Variants in TINF2 observed in about 807,000 individuals in gnomAD.
TINF2 encodes the protein TERF1 interacting nuclear factor 2.
A neutral mutation model predicts 50.4 loss-of-function variants in TINF2; 27 were observed. The ratio of observed to expected loss-of-function variants is 0.54; its 90% CI spans 0.40 to 0.74. The LOEUF (loss-of-function observed/expected upper bound fraction) is 0.74. TINF2 is among the 30% of genes least tolerant of loss of function. TINF2 has a pLI of 0.00. For missense variants in TINF2, 496 were observed against 551.5 expected, an observed-to-expected ratio of 0.90 and a Z score of 1.01; for synonymous variants, 223 against 214.6, an observed-to-expected ratio of 1.04 and a Z score of -0.34.
Position 24,241,701 on chromosome 14 carries a change from G to C in TINF2, c.373C>G (p.Pro125Ala). The change falls in exon 3 of 9, where the codon CCT becomes GCT. Residue 125 changes from proline to alanine, a missense_variant. Pro to Ala is a conservative substitution (Grantham distance 27). Coordinates refer to ENST00000267415, the MANE Select transcript of TINF2 (RefSeq NM_001099274.3). ...TGCAGCTTCGAGGCCAAATCCACAG[G>C]AGCCTCTGACAGCTGCTTCACCTGC... ...YQQVKQLSEA[P>A]VDLASKLQEL... 1 of 1,612,732 alleles carries C rather than the reference G, an allele frequency of 6.2e-7. No individual in the cohort carries two copies. The highest frequency in any genetic ancestry group is 8.5e-7 in the Non-Finnish European group (1 of 1,179,388).
chr14:24,241,865 A>T, intron 2 of TINF2, 25 bp downstream of exon 2: 2 of 1,614,126 alleles, frequency 1.2e-6, no homozygotes. Context: ...AACTGGGGTC[A>T]GGGCTTGTTC....
chr14:24,241,427 C>T (rs1218819728), intron 3 of TINF2, 116 bp from the exon 4 acceptor site: 6 of 1,035,778 alleles, frequency 5.8e-6, no homozygotes, highest in Middle Eastern at 2.8e-4. Context: ...GTCAGGAGTT[C>T]GAGACCAGCC....
intron 3 of TINF2, 180 bp downstream of exon 3, chr14:24,241,495 T>C: frequency 1.3e-6 from 1 of 795,120 alleles, no homozygotes; most frequent in Non-Finnish European, 2.1e-6. Context: ...TGGGCATTTG[T>C]AATCCCAGCT....
At chr14:24,241,631 G>C (rs2040581375) in intron 3 of TINF2, 44 bp downstream of exon 3, 2 of 1,503,484 alleles carry the variant, frequency 1.3e-6, no homozygotes, top group Non-Finnish European at 1.8e-6. Flanking sequence ...AAAAAAAATG[G>C]GTTAGAGAAA....
intron 2 of TINF2, 31 bp downstream of exon 2, chr14:24,241,859 G>A (rs769487457): frequency 6.2e-7 from 1 of 1,613,812 alleles, no homozygotes; most frequent in Non-Finnish European, 8.5e-7. Flanking sequence ...AAGTGTAACT[G>A]GGGTCAGGGC....
rs767141183 is a variant in TINF2, at chr14:24,240,332, T to C, written c.1062-2A>G. On this transcript the variant is annotated splice_acceptor_variant, in intron 6 of 8. Transcript: ENST00000267415. LOFTEE classifies it high-confidence loss of function. Reference sequence around the variant, plus strand: ...TCCATGTAGCAATCCAAGCAATTCCTGAGGTGAGAGCAAGCAAAGAGGATA... The same window carrying C: ...TCCATGTAGCAATCCAAGCAATTCCCGAGGTGAGAGCAAGCAAAGAGGATA... 1 of 1,613,892 alleles carries C rather than the reference T, an allele frequency of 6.2e-7. No homozygotes were observed. Among genetic ancestry groups the C allele is most frequent in the East Asian group, 2.2e-5 (1 of 44,868 alleles).
rs1430977423 is a variant in TINF2 at position 24,242,350 on chromosome 14, C to A, written c.-18G>T. On this transcript the variant is annotated 5_prime_UTR_variant, in exon 1 of 9. Transcript: ENST00000267415. ...GTAGCCATGGTCGGCGGGCTCCGCC[C>A]GGAGGCGGTCCCTCCGGGTTCCTCA... 3 of 1,607,836 alleles carry A rather than the reference C, an allele frequency of 1.9e-6. No individual in the cohort carries two copies. The Admixed American group carries it at 5.1e-5, about 27-fold the overall frequency.
chr14:24,242,052 G>C, intron 1 of TINF2, 58 bp from the exon 2 acceptor site: 1 of 1,613,976 alleles, frequency 6.2e-7, no homozygotes, highest in Non-Finnish European at 8.5e-7. Context: ...TTTCCAACTA[G>C]TCTCATCCCC....
At position 24,240,177 on chromosome 14, in the gene TINF2, C is replaced by G. The variant is rs545372772; in HGVS notation, c.1130-22G>C. ...CACACTGTAGGAGGGAAACCAGAAT[C>G]AAACTACTACTTCTAGATGAACACA... On this transcript the variant is annotated intron_variant, in intron 7 of 8. Coordinates refer to ENST00000267415, the MANE Select transcript of TINF2 (RefSeq NM_001099274.3). The G allele has an allele frequency of 9.3e-6, 15 of 1,614,048 alleles. No homozygotes were observed. The East Asian group carries it at 3.1e-4, about 34-fold the overall frequency.
At chr14:24,239,974 T>G (rs1472500888) in intron 8 of TINF2, 43 bp from the exon 9 acceptor site, 1 of 1,614,042 alleles carries the variant, frequency 6.2e-7, no homozygotes, top group African/African-American at 1.3e-5. Context: ...CCGAAACCAT[T>G]CCCTGAACCC....
chr14:24,242,516 T>C lies in TINF2; in HGVS notation c.-184A>G. On this transcript the variant is annotated 5_prime_UTR_variant, in exon 1 of 9. Transcript: ENST00000267415. ...GCCCCCAGAATTCTGGGGGAGGGGG[T>C]CTTCTGGCTCGGGCTGGAGGAGCCT... 7.0e-7 allele frequency: 1 copy of C among 1,427,632 alleles called. No individual in the cohort carries two copies. Among genetic ancestry groups the C allele is most frequent in the South Asian group, 1.5e-5 (1 of 65,902 alleles). 88.4% of individuals were successfully genotyped at this position (1,427,632 alleles called of 1,614,324 possible). A position where few individuals can be genotyped will look rare whatever the true frequency, so the allele number is the denominator to read the frequency against.
At chr14:24,239,975 C>G (rs1350453973) in intron 8 of TINF2, 44 bp from the exon 9 acceptor site, 3 of 1,614,170 alleles carry the variant, frequency 1.9e-6, no homozygotes, top group Non-Finnish European at 2.5e-6. Context: ...CGAAACCATT[C>G]CCTGAACCCT....
At chr14:24,241,473 A>G in intron 3 of TINF2, 162 bp from the exon 4 acceptor site, 2 of 827,422 alleles carry the variant, frequency 2.4e-6, no homozygotes, top group Admixed American at 2.0e-5. Context: ...CTACTAAAAT[A>G]CAAAAATTAG....
Position 24,242,303 on chromosome 14 carries a change from T to C in TINF2, c.30A>G (p.Ala10=), listed in dbSNP as rs779819186. MATPLVAGP[A]ALRFAAAASW... Reference sequence around the variant, plus strand: ...TAGCCGCGGCGGCGAAGCGTAGAGCTGCGGGACCCGCCACCAGGGGCGTAG... The same window carrying C: ...TAGCCGCGGCGGCGAAGCGTAGAGCCGCGGGACCCGCCACCAGGGGCGTAG... The change falls in exon 1 of 9, where the codon GCA becomes GCG. Residue 10 remains alanine, a synonymous_variant. Coordinates refer to ENST00000267415, the MANE Select transcript of TINF2 (RefSeq NM_001099274.3). 1.6e-5 allele frequency: 25 copies of C among 1,612,734 alleles called. No homozygotes were observed. The Middle Eastern group carries it at 6.6e-4, about 42-fold the overall frequency.
At chr14:24,242,665 G>A, upstream of TINF2, 1 of 1,168,332 alleles carries the variant, frequency 8.6e-7, no homozygotes, top group African/African-American at 1.6e-5. Context: ...CCGGAAAAGG[G>A]CGGTAAGAGG....
At position 24,240,664 on chromosome 14, in the gene TINF2, C is replaced by A; in HGVS notation, c.816G>T (p.Trp272Cys). 1 of 1,614,110 alleles carries A rather than the reference C, an allele frequency of 6.2e-7. No individual in the cohort carries two copies. ...PLGRRRVQSQ[W>C]ASTRGGHKER... ...CCTTATGGCCTCCCCTAGTGGAGGC[C>A]CATTGGGACTGAACTCTTCGTCGGC... Residue 272 changes from tryptophan to cysteine, a missense_variant, in exon 6 of 9, where the codon TGG becomes TGT. Physicochemically the swap from Trp to Cys is radical, Grantham distance 215. Coordinates refer to ENST00000267415, the MANE Select transcript of TINF2 (RefSeq NM_001099274.3).
In TINF2 at chr14:24,242,493, C is replaced by T. The variant is rs577503785; in HGVS notation, c.-161G>A. On this transcript the variant is annotated 5_prime_UTR_variant, in exon 1 of 9. Coordinates refer to ENST00000267415, the MANE Select transcript of TINF2 (RefSeq NM_001099274.3). ...TCTGACTCGGCTCCCTTCCATCGGC[C>T]CCCAGAATTCTGGGGGAGGGGGTCT... The T allele has an allele frequency of 2.1e-3, 3,007 of 1,433,788 alleles. 4 individuals carry two copies. The highest frequency in any genetic ancestry group is 2.5e-3 in the Non-Finnish European group (2,800 of 1,100,154). The allele number at this position is 1,433,788 out of a possible 1,614,324, so 88.8% of individuals were successfully genotyped here.
chr14:24,241,105 C>G lies in TINF2; in HGVS notation c.519G>C (p.Val173=), dbSNP rs1183809206. 5.6e-6 allele frequency: 9 copies of G among 1,614,196 alleles called. No homozygotes were observed. The highest frequency in any genetic ancestry group is 7.6e-6 in the Non-Finnish European group (9 of 1,180,044). Residue 173 remains valine, a synonymous_variant, in exon 5 of 9, where the codon GTG becomes GTC. Coordinates refer to ENST00000267415, the MANE Select transcript of TINF2 (RefSeq NM_001099274.3). ...PTPQAQQLQD[V]LSWMQPGVSI... ...AGACTCCAGGCTGCATCCAACTCAGCACATCCTGAAGCTGTGGGCAGGGAC... is the reference window on the plus strand; with the variant it reads ...AGACTCCAGGCTGCATCCAACTCAGGACATCCTGAAGCTGTGGGCAGGGAC...
In TINF2 at chr14:24,240,134, C is replaced by G. The variant is rs771022492; in HGVS notation, c.1151G>C (p.Ser384Thr). Residue 384 changes from serine (S) to threonine (T), a missense_variant, in exon 8 of 9, where the codon AGC (serine) becomes ACC (threonine). Ser to Thr is a moderately conservative substitution (Grantham distance 58). Coordinates refer to ENST00000267415, the MANE Select transcript of TINF2 (RefSeq NM_001099274.3). ...CAAGTCCCCTATGGTAATGACGGAG[C>G]TGCACAGAGACGGAGGACACACTGT... The part of the protein sequence containing the change: ...RKPVCPPSLC[S>T]SVITIGDLVL... 2 of 1,614,050 alleles carry G rather than the reference C, an allele frequency of 1.2e-6. No homozygotes were observed. The highest frequency in any genetic ancestry group is 2.2e-5 in the South Asian group (2 of 91,074).
Sources: allele counts gnomAD v4.1 joint callset, GRCh38; gene constraint gnomAD v4.1.1; transcripts MANE v1.5; gene names NCBI Gene and HGNC (gene_info 2026-07-23, HGNC 2026-07-21).